Variants in KIF5C observed in about 807,000 individuals in gnomAD.
The protein encoded by KIF5C is kinesin heavy chain isoform 5C.
A neutral mutation model predicts 125.2 loss-of-function variants in KIF5C; 18 were observed. The observed-to-expected ratio is 0.14, with a 90% confidence interval of 0.10 to 0.21. KIF5C has a LOEUF of 0.21. Among genes scored for constraint, KIF5C ranks in the 10% least tolerant of loss-of-function variants. The pLI is 1.00. For synonymous variants in KIF5C, 405 were observed against 434.0 expected (o/e 0.93, Z 0.83); for missense variants, 780 against 1,183.8 (o/e 0.66, Z 5.01).
At chr2:148,990,988 G>C in intron 15 of KIF5C, 22 bp from the exon 16 acceptor site, 1 of 1,605,786 alleles carries the variant, frequency 6.2e-7, no homozygotes, top group South Asian at 1.1e-5. Flanking sequence ...CAACATTTGA[G>C]TGTGTCCCCT....
intron 1 of KIF5C, among the ~76,000 whole-genome samples, chr2:148,899,176 C>A (rs753083430): frequency 1.3e-5 from 2 of 151,966 alleles, no homozygotes; most frequent in Non-Finnish European, 2.9e-5. Context: ...CATCGAACAC[C>A]TTTTAATCTT....
chr2:148,904,039 T>C (rs1190014199), intron 1 of KIF5C, among the ~76,000 whole-genome samples: 1 of 152,200 alleles, frequency 6.6e-6, no homozygotes, highest in Non-Finnish European at 1.5e-5. Context: ...GTGCTAGAGG[T>C]ATACAGATTG....
At chr2:148,882,435 G>T (rs1681393227) in intron 1 of KIF5C, among the ~76,000 whole-genome samples, 2 of 152,168 alleles carry the variant, frequency 1.3e-5, no homozygotes, top group African/African-American at 2.4e-5. Flanking sequence ...CCCTTCAGAG[G>T]TTCCCCTGTG....
intron 1 of KIF5C, among the ~76,000 whole-genome samples, chr2:148,889,426 G>A (rs926667212): frequency 9.9e-5 from 15 of 152,154 alleles, no homozygotes; most frequent in African/African-American, 3.4e-4. Context: ...AGTCTCCTGG[G>A]CTATATAGAG....
intron 16 of KIF5C, 151 bp from the exon 17 acceptor site, chr2:148,994,270 A>G: frequency 1.8e-6 from 2 of 1,086,574 alleles, no homozygotes; most frequent in Non-Finnish European, 1.3e-6. Context: ...CTGAACACCA[A>G]GGCAAGGGTA....
At chr2:148,918,503 T>G (rs1231716258) in intron 1 of KIF5C, among the ~76,000 whole-genome samples, 1 of 152,160 alleles carries the variant, frequency 6.6e-6, no homozygotes, top group Non-Finnish European at 1.5e-5. Context: ...GGGTTGGGGC[T>G]CCTAGGACCA....
At chr2:148,936,962 TTCC>T (rs1325575721) in intron 3 of KIF5C, among the ~76,000 whole-genome samples, 9 of 152,120 alleles carry the variant, frequency 5.9e-5, no homozygotes, top group Non-Finnish European at 1.2e-4. Context: ...CTGCTCCCTT[TTCC>T]TCCTCCTCCT....
chr2:148,989,337 T>TACACACACACAC (rs59582798), intron 15 of KIF5C, among the ~76,000 whole-genome samples: 31 of 147,926 alleles, frequency 2.1e-4, no homozygotes, highest in East Asian at 1.2e-3. Flanking sequence ...TCCATGATTT[T>TACACACACACAC]ACACACACAC....
Position 149,012,648 on chromosome 2 carries a change from C to T in KIF5C, c.*7+965C>T, listed in dbSNP as rs151027258. Among the ~76,000 whole-genome samples, 1,348 of 152,354 alleles carry T rather than the reference C, an allele frequency of 8.8e-3. 17 individuals are homozygous for T. The highest frequency in any genetic ancestry group is 0.03 in the African/African-American group (1,257 of 41,586). On this transcript the variant is annotated intron_variant, in intron 25 of 25. Coordinates refer to ENST00000435030, the MANE Select transcript of KIF5C (RefSeq NM_004522.3). ...CAAGGGAAATGCTTTGGTAGTTGCC[C>T]CCACACAACTTTTACCTGTGCTGCC...
intron 1 of KIF5C, 149 bp downstream of exon 1, chr2:148,875,892 C>A: frequency 8.4e-7 from 1 of 1,197,184 alleles, no homozygotes; most frequent in Non-Finnish European, 1.1e-6. Context: ...AGACCCCTCG[C>A]CCCGCGCACT....
intron 1 of KIF5C, among the ~76,000 whole-genome samples, chr2:148,914,546 G>A (rs1004400464): frequency 5.9e-5 from 9 of 152,242 alleles, no homozygotes; most frequent in South Asian, 2.1e-4. Flanking sequence ...CTGGTTTCCC[G>A]CAGGAAGGCT....
At chr2:148,961,945 T>C in intron 10 of KIF5C, 26 bp from the exon 11 acceptor site, 1 of 1,601,540 alleles carries the variant, frequency 6.2e-7, no homozygotes, top group Non-Finnish European at 8.5e-7. Flanking sequence ...ATTAGCTGAA[T>C]TGTCCCCTTA....
In KIF5C at chr2:149,024,342, G is replaced by A. The variant is rs1453604073; in HGVS notation, c.*1272G>A. The A allele has an allele frequency of 2.0e-5, 3 of 151,868 alleles. No homozygotes were observed. Among genetic ancestry groups the A allele is most frequent in the African/African-American group, 7.3e-5 (3 of 41,180 alleles). The allele number at this position is 151,868 out of a possible 1,614,324, so 9.4% of individuals were successfully genotyped here. A position where few individuals can be genotyped will look rare whatever the true frequency, so the allele number is the denominator to read the frequency against. On this transcript the variant is annotated 3_prime_UTR_variant, in exon 26 of 26. Coordinates refer to ENST00000435030, the MANE Select transcript of KIF5C (RefSeq NM_004522.3). Reference sequence around the variant, plus strand: ...CTGCTATTTGTTTTGACAAATTTGGGGGTAAGTCAATGACAACCAAACCAA... The same window carrying A: ...CTGCTATTTGTTTTGACAAATTTGGAGGTAAGTCAATGACAACCAAACCAA...
intron 10 of KIF5C, among the ~76,000 whole-genome samples, chr2:148,951,495 G>T (rs1286446515): frequency 2.0e-5 from 3 of 152,026 alleles, no homozygotes; most frequent in African/African-American, 2.4e-5. Flanking sequence ...CCTCCTTCAG[G>T]CATGTTTCCT....
intron 19 of KIF5C, 156 bp downstream of exon 19, chr2:148,998,665 G>A (rs1016315033): frequency 2.9e-5 from 37 of 1,259,878 alleles, no homozygotes; most frequent in Admixed American, 7.7e-5. Flanking sequence ...CTGCTTCCAA[G>A]GTCTGTTCTC....
chr2:148,915,227 G>A (rs181222314), intron 1 of KIF5C, among the ~76,000 whole-genome samples: 57 of 152,238 alleles, frequency 3.7e-4, no homozygotes, highest in African/African-American at 1.2e-3. Flanking sequence ...CTCCTGTATC[G>A]TACACCATTT....
rs1315182997 is a variant in KIF5C at position 149,023,768 on chromosome 2, C to G, written c.*698C>G. 1 of 152,226 alleles carries G rather than the reference C, an allele frequency of 6.6e-6. No individual in the cohort carries two copies. The highest frequency in any genetic ancestry group is 2.4e-5 in the African/African-American group (1 of 41,446). The allele number at this position is 152,226 out of a possible 1,614,324, so 9.4% of individuals were successfully genotyped here. ...TGCAAAAAGTCATAAAATTCACCTC[C>G]GAGCTGCTTGCTTTTGAACCTGCAG... On this transcript the variant is annotated 3_prime_UTR_variant, in exon 26 of 26. Coordinates refer to ENST00000435030, the MANE Select transcript of KIF5C (RefSeq NM_004522.3).
rs111998815 is a variant in KIF5C at position 148,998,477 on chromosome 2, G to A, written c.2178G>A (p.Glu726=). 20 of 1,561,566 alleles carry A rather than the reference G, an allele frequency of 1.3e-5. No homozygotes were observed. Among genetic ancestry groups the A allele is most frequent in the South Asian group, 4.7e-5 (4 of 84,484 alleles). Residue 726 remains glutamate (E), a synonymous_variant, in exon 19 of 26, where the codon GAG becomes GAA. Coordinates refer to ENST00000435030, the MANE Select transcript of KIF5C (RefSeq NM_004522.3). ...TGTCCAGACTCCGAGACGAAATTGA[G>A]GAGAAGCAGAAAATCATTGATGAGA... ...KQLSRLRDEI[E]EKQKIIDEIR...
At chr2:148,978,334 G>GTTTTTT (rs71406035) in intron 12 of KIF5C, among the ~76,000 whole-genome samples, 6 of 78,654 alleles carry the variant, frequency 7.6e-5, no homozygotes, top group South Asian at 6.8e-4. Context: ...CTGCCCTGAG[G>GTTTTTT]TTTTTTTTTT....
Sources: gnomAD v4.1 joint callset for allele counts (sites outside exome capture counted in the v4.1 genomes callset) on GRCh38, gnomAD v4.1.1 for gene constraint, MANE v1.5 for transcripts, NCBI Gene and HGNC (gene_info 2026-07-23, HGNC 2026-07-21) for gene names.